The following CLCN4 variants were observed in gnomAD, a reference collection of about 807,000 sequenced individuals.
The protein encoded by CLCN4 is H(+)/Cl(-) exchange transporter 4.
CLCN4 carries 1 observed loss-of-function variant against 41.7 expected under a neutral mutation model. The observed-to-expected ratio is 0.02, with a 90% confidence interval of 0.01 to 0.11. The LOEUF (loss-of-function observed/expected upper bound fraction) is 0.11. Ranked by LOEUF, CLCN4 falls within the 10% of genes least tolerant of loss-of-function variation. CLCN4 has a pLI of 1.00. For synonymous variants in CLCN4, 277 were observed against 285.8 expected (o/e 0.97, Z 0.31); for missense variants, 287 against 661.0 (o/e 0.43, Z 6.20).
intron 2 of CLCN4, among the ~76,000 whole-genome samples, chrX:10,173,143 G>T (rs1186209760): frequency 9.0e-6 from 1 of 111,221 alleles, no homozygotes; most frequent in Non-Finnish European, 1.9e-5. Context: ...CCTGCCAACC[G>T]CCAGATGAAA....
intron 5 of CLCN4, among the ~76,000 whole-genome samples, 178 bp downstream of exon 5, chrX:10,195,276 C>A (rs1310207284): frequency 9.0e-6 from 1 of 110,986 alleles, no homozygotes; most frequent in Non-Finnish European, 1.9e-5. Flanking sequence ...TCAAACTTCA[C>A]TTGCAAAACC....
chrX:10,166,806 C>T (rs887670903), intron 2 of CLCN4, among the ~76,000 whole-genome samples: 4 of 112,142 alleles, frequency 3.6e-5, no homozygotes, highest in Non-Finnish European at 7.5e-5. Flanking sequence ...AACACAAACA[C>T]CTCACAGCCC....
rs753429728 is a variant in CLCN4 at position 10,237,446 on chromosome X, CTATT to C, written c.*3868_*3871del. 2 of 111,621 alleles carry C rather than the reference CTATT, an allele frequency of 1.8e-5. No homozygotes were observed. The highest frequency in any genetic ancestry group is 3.7e-4 in the South Asian group (1 of 2,671). 9.2% of individuals were successfully genotyped at this position (111,621 alleles called of 1,213,427 possible). A position where few individuals can be genotyped will look rare whatever the true frequency, so the allele number is the denominator to read the frequency against. ...CCTATTTTCACTGGCGCGGTAATAA[CTATT>C]TATTTGCTATCCTAGAGGTGCTGGG... On this transcript the variant is annotated 3_prime_UTR_variant, in exon 13 of 13. Transcript: ENST00000380833.
chrX:10,182,978 G>T (rs1057112215), intron 2 of CLCN4, among the ~76,000 whole-genome samples: 1 of 112,321 alleles, frequency 8.9e-6, no homozygotes, highest in African/African-American at 3.2e-5. Context: ...TGAATAGACT[G>T]TCCAAGTCTC....
At chrX:10,169,068 G>A (rs1170510742) in intron 2 of CLCN4, among the ~76,000 whole-genome samples, 1 of 111,100 alleles carries the variant, frequency 9.0e-6, no homozygotes, top group Non-Finnish European at 1.9e-5. Flanking sequence ...ATGCCTTGGT[G>A]TAGTTTTCTT....
At chrX:10,233,442 T>G in intron 12 of CLCN4, 52 bp from the exon 13 acceptor site, 1 of 893,413 alleles carries the variant, frequency 1.1e-6, no homozygotes, top group Non-Finnish European at 1.6e-6. Context: ...GGGAGAGGGA[T>G]GAGTCGTCGT....
chrX:10,220,941 AGCC>A, intron 12 of CLCN4, 64 bp downstream of exon 12: 9 of 967,953 alleles, frequency 9.3e-6, no homozygotes, highest in South Asian at 2.0e-5. Context: ...ACATGGTCTC[AGCC>A]CTGAAGAATG....
chrX:10,189,187 T>C (rs1923891091), intron 4 of CLCN4, among the ~76,000 whole-genome samples: 1 of 111,719 alleles, frequency 9.0e-6, no homozygotes, highest in Non-Finnish European at 1.9e-5. Context: ...AGTGTGTCAT[T>C]TTTCTTGGCT....
chrX:10,228,241 A>G (rs1057043344), intron 12 of CLCN4, among the ~76,000 whole-genome samples: 2 of 86,841 alleles, frequency 2.3e-5, no homozygotes, highest in African/African-American at 8.8e-5. Context: ...CCCCTCCCCC[A>G]TTCCCCTTAG....
chrX:10,206,165 A>G (rs992425088), intron 6 of CLCN4, among the ~76,000 whole-genome samples, 193 bp from the exon 7 acceptor site: 5 of 112,199 alleles, frequency 4.5e-5, no homozygotes, highest in African/African-American at 1.6e-4. Flanking sequence ...ACTCCTTACG[A>G]TTTACCATGC....
At chrX:10,161,801 A>C (rs184230240) in intron 2 of CLCN4, among the ~76,000 whole-genome samples, 16 of 110,801 alleles carry the variant, frequency 1.4e-4, no homozygotes, top group African/African-American at 5.3e-4. Context: ...CACTTCCACC[A>C]TGAGGGTGTA....
At chrX:10,177,948 A>C (rs1211778948) in intron 2 of CLCN4, among the ~76,000 whole-genome samples, 1 of 112,221 alleles carries the variant, frequency 8.9e-6, no homozygotes, top group East Asian at 2.8e-4. Context: ...AGCAATAAAT[A>C]AAAAGGGGTG....
At chrX:10,213,640 C>T (rs377049868) in intron 10 of CLCN4, 41 bp from the exon 11 acceptor site, 14 of 1,148,525 alleles carry the variant, frequency 1.2e-5, no homozygotes, top group South Asian at 2.0e-5. Flanking sequence ...GTGAGCTGCC[C>T]GGCTTGCACT....
At chrX:10,169,616 A>T (rs1237393014) in intron 2 of CLCN4, among the ~76,000 whole-genome samples, 1 of 111,898 alleles carries the variant, frequency 8.9e-6, no homozygotes, top group Admixed American at 9.5e-5. Context: ...TTTTCTTTTT[A>T]AAATTTTTTA....
intron 11 of CLCN4, among the ~76,000 whole-genome samples, chrX:10,216,897 G>GTGTATATATATATATA (rs1411470927): frequency 2.4e-4 from 5 of 20,827 alleles, no homozygotes; most frequent in African/African-American, 3.3e-4. Context: ...GTGTGTGTGT[G>GTGTATATATATATATA]TATATATATA....
At chrX:10,204,264 C>T (rs1470857286) in intron 6 of CLCN4, among the ~76,000 whole-genome samples, 1 of 111,697 alleles carries the variant, frequency 9.0e-6, no homozygotes, top group Non-Finnish European at 1.9e-5. Context: ...TAAAATGCAG[C>T]AGGTCTGGAA....
At chrX:10,169,331 G>A (rs769710854) in intron 2 of CLCN4, among the ~76,000 whole-genome samples, 73 of 111,479 alleles carry the variant, frequency 6.5e-4, no homozygotes, top group Admixed American at 2.9e-3. Context: ...ATAAGAAACC[G>A]TCAGCTTGTG....
intron 2 of CLCN4, among the ~76,000 whole-genome samples, chrX:10,162,059 C>T (rs1012485443): frequency 3.0e-5 from 3 of 101,426 alleles, no homozygotes; most frequent in South Asian, 1.0e-3. Context: ...GGTCTGTCAC[C>T]CAGGCTGCAG....
intron 6 of CLCN4, among the ~76,000 whole-genome samples, chrX:10,205,488 A>G (rs1250759509): frequency 5.0e-5 from 5 of 100,405 alleles, no homozygotes; most frequent in African/African-American, 2.2e-4. Flanking sequence ...AAAAAAAAAA[A>G]AAGAAAAAGA....
Sources: gnomAD v4.1 joint callset for allele counts (sites outside exome capture counted in the v4.1 genomes callset) on GRCh38, gnomAD v4.1.1 for gene constraint, MANE v1.5 for transcripts, NCBI Gene and HGNC (gene_info 2026-07-23, HGNC 2026-07-21) for gene names.